The following SMC2 variants were observed in gnomAD, a reference collection of about 807,000 sequenced individuals.
The protein encoded by SMC2 is structural maintenance of chromosomes protein 2.
Under a neutral mutation model 142.6 loss-of-function variants are expected in SMC2, and 41 were observed. The ratio of observed to expected loss-of-function variants is 0.29; its 90% CI spans 0.22 to 0.37. The LOEUF (loss-of-function observed/expected upper bound fraction) is 0.37. SMC2 is among the 10% of genes least tolerant of loss of function. The pLI is 1.00. For missense variants in SMC2, 1,265 were observed against 1,373.7 expected, an observed-to-expected ratio of 0.92 and a Z score of 1.25; for synonymous variants, 463 against 457.5, an observed-to-expected ratio of 1.01 and a Z score of -0.15.
At chr9:104,122,876 G>T (rs1328516294) in intron 16 of SMC2, among the ~76,000 whole-genome samples, 30 of 151,980 alleles carry the variant, frequency 2.0e-4, no homozygotes, top group Non-Finnish European at 2.1e-4. Flanking sequence ...GTAAATAGTT[G>T]TTACAGATTT....
intron 10 of SMC2, among the ~76,000 whole-genome samples, chr9:104,112,720 A>G (rs965441492): frequency 5.3e-5 from 8 of 152,154 alleles, no homozygotes; most frequent in African/African-American, 1.7e-4. Context: ...AACCCCATCT[A>G]GGTTTTAGAA....
At chr9:104,127,591 T>TACAGATAAATATAAATGGCAAAATC in intron 20 of SMC2, 111 bp downstream of exon 20, 1 of 668,652 alleles carries the variant, frequency 1.5e-6, no homozygotes, top group Non-Finnish European at 2.3e-6. Context: ...ATGGCAAAAT[T>TACAGATAAATATAAATGGCAAAATC]ACAGCCTGGC....
At chr9:104,091,154 G>A (rs920793268), upstream of SMC2, among the ~76,000 whole-genome samples, 1 of 152,188 alleles carries the variant, frequency 6.6e-6, no homozygotes, top group Non-Finnish European at 1.5e-5. Flanking sequence ...ACAGTCATGC[G>A]TTGCCTAACG....
At chr9:104,103,544 G>A (rs1349833637) in intron 9 of SMC2, among the ~76,000 whole-genome samples, 12 of 152,214 alleles carry the variant, frequency 7.9e-5, no homozygotes, top group Non-Finnish European at 1.8e-4. Context: ...GTAGCTGCAA[G>A]TAGGATAGGA....
At chr9:104,097,142 T>A (rs111492378) in intron 3 of SMC2, among the ~76,000 whole-genome samples, 1 of 146,644 alleles carries the variant, frequency 6.8e-6, no homozygotes, top group African/African-American at 2.6e-5. Context: ...TTTTTTTTTT[T>A]CCTGAGACGG....
Position 104,100,305 on chromosome 9 carries a change from C to T in SMC2, c.592-84C>T, listed in dbSNP as rs926019470. ...AATTTTTTTCCTTGGTTCAGTTTTC[C>T]ATAGTCATCCCTGCTACTTCTCTTT... is the stretch of plus-strand genomic sequence containing the variant. On this transcript the variant is annotated intron_variant, in intron 6 of 24. Coordinates refer to ENST00000374793, the MANE Select transcript of SMC2 (RefSeq NM_006444.3). 32 of 1,393,190 alleles carry T rather than the reference C, an allele frequency of 2.3e-5. 1 individual carries two copies. The highest frequency in any genetic ancestry group is 3.2e-5 in the Non-Finnish European group (32 of 1,002,506). The allele number at this position is 1,393,190 out of a possible 1,614,324, so 86.3% of individuals were successfully genotyped here. A position where few individuals can be genotyped will look rare whatever the true frequency, so the allele number is the denominator to read the frequency against.
rs1179208836 is a variant in SMC2, at chr9:104,138,854, ATC to A, written c.3418-282_3418-281del. Among the ~76,000 whole-genome samples the A allele has an allele frequency of 3.3e-5, 5 of 152,272 alleles. No homozygotes were observed. The East Asian group carries it at 9.6e-4, about 29-fold the overall frequency. ...GATATTAAAATGTCACAAGAAAAAT[ATC>A]TCACTAGAGCAGCTTTAGTTAGCAA... is the stretch of plus-strand genomic sequence containing the variant. On this transcript the variant is annotated intron_variant, in intron 24 of 24. Coordinates refer to ENST00000374793, the MANE Select transcript of SMC2 (RefSeq NM_006444.3).
chr9:104,090,527 T>C (rs1829971076), upstream of SMC2, among the ~76,000 whole-genome samples: 1 of 151,740 alleles, frequency 6.6e-6, no homozygotes, highest in African/African-American at 2.4e-5. Context: ...AAAAAAAACA[T>C]AAGGTACCTA....
At position 104,116,214 on chromosome 9, in the gene SMC2, G is replaced by T; in HGVS notation, c.1686G>T (p.Lys562Asn). 6.3e-7 allele frequency: 1 copy of T among 1,594,620 alleles called. No homozygotes were observed. The highest frequency in any genetic ancestry group is 1.4e-5 in the African/African-American group (1 of 73,656). ...GTGTGTTGTAGGTTACTGGTAAAAAGCTACTAGAAAGGGGGGAACTGAAAC... is the reference window on the plus strand; with the variant it reads ...GTGTGTTGTAGGTTACTGGTAAAAATCTACTAGAAAGGGGGGAACTGAAAC... ...VVVDTEVTGK[K>N]LLERGELKRR... Residue 562 changes from lysine to asparagine, a missense_variant, in exon 14 of 25, where the codon AAG becomes AAT. Physicochemically the swap from Lys to Asn is moderately conservative, Grantham distance 94 (BLOSUM62 0). This residue lies in a region of SMC2 where 898 missense variants were observed against 904.2 expected (regional missense o/e 0.99). Coordinates refer to ENST00000374793, the MANE Select transcript of SMC2 (RefSeq NM_006444.3).
intron 20 of SMC2, among the ~76,000 whole-genome samples, chr9:104,129,113 T>C (rs374385054): frequency 1.3e-5 from 2 of 152,166 alleles, no homozygotes; most frequent in South Asian, 4.1e-4. Flanking sequence ...GCCAAAGTAA[T>C]AGGAAGATCT....
At chr9:104,115,624 A>C (rs1274541174) in intron 13 of SMC2, among the ~76,000 whole-genome samples, 2 of 152,036 alleles carry the variant, frequency 1.3e-5, no homozygotes, top group Non-Finnish European at 2.9e-5. Flanking sequence ...AGATGTTTTG[A>C]TACATATACA....
intron 22 of SMC2, 94 bp downstream of exon 22, chr9:104,132,219 A>G (rs1032457363): frequency 3.9e-5 from 28 of 709,554 alleles, no homozygotes; most frequent in South Asian, 6.7e-5. Flanking sequence ...TAGCTGATCT[A>G]TGTTTGAATG....
At chr9:104,098,315 C>G (rs778183578) in intron 3 of SMC2, 131 bp from the exon 4 acceptor site, 405 of 661,830 alleles carry the variant, frequency 6.1e-4, no homozygotes, top group Non-Finnish European at 8.1e-4. Context: ...ACTTGTTCCA[C>G]TATTTATGCA....
At chr9:104,104,294 C>A (rs182967978) in intron 9 of SMC2, among the ~76,000 whole-genome samples, 13 of 152,300 alleles carry the variant, frequency 8.5e-5, no homozygotes, top group African/African-American at 2.9e-4. Flanking sequence ...TCATACACAA[C>A]ATTTTATGTG....
Position 104,130,623 on chromosome 9 carries a change from A to G in SMC2, c.2991+778A>G, listed in dbSNP as rs916156773. On this transcript the variant is annotated intron_variant, in intron 21 of 24. Coordinates refer to ENST00000374793, the MANE Select transcript of SMC2 (RefSeq NM_006444.3). ...ACTGTTTTTGGCATGAATATGCACA[A>G]AGAGTCTATATTATATTAGATACCA... 1.3e-5 allele frequency among the ~76,000 whole-genome samples: 2 copies of G among 152,158 alleles called. 1 individual carries two copies. Among genetic ancestry groups the G allele is most frequent in the South Asian group, 4.1e-4 (2 of 4,826 alleles).
At chr9:104,094,819 C>T (rs1279963843) in intron 1 of SMC2, 1 of 180,982 alleles carries the variant, frequency 5.5e-6, no homozygotes, top group African/African-American at 2.3e-5. Context: ...GGTGAAGACA[C>T]TGCGGGAACT....
chr9:104,095,630 A>G, intron 2 of SMC2, 78 bp downstream of exon 2: 1 of 1,048,004 alleles, frequency 9.5e-7, no homozygotes, highest in Non-Finnish European at 1.4e-6. Flanking sequence ...ACGTCCCGAT[A>G]TTCTCTTCAT....
At chr9:104,105,492 A>C (rs1831653869) in intron 9 of SMC2, among the ~76,000 whole-genome samples, 1 of 152,116 alleles carries the variant, frequency 6.6e-6, no homozygotes, top group Non-Finnish European at 1.5e-5. Context: ...TGCCAGCTAA[A>C]TCTCGTTAGT....
intron 4 of SMC2, among the ~76,000 whole-genome samples, chr9:104,098,835 TG>T (rs1830779511): frequency 2.0e-5 from 2 of 101,274 alleles, no homozygotes. Context: ...ACATGTTAAC[TG>T]TAAAAAAAAA....
Sources: allele counts gnomAD v4.1 joint callset (sites outside exome capture counted in the v4.1 genomes callset), GRCh38; gene constraint gnomAD v4.1.1; regional missense constraint gnomAD v4.1.1; transcripts MANE v1.5; gene names NCBI Gene and HGNC (gene_info 2026-07-23, HGNC 2026-07-21).